FRMPD4: variants seen among roughly 807,000 people sequenced by gnomAD.
FRMPD4 encodes the protein FERM and PDZ domain containing 4.
FRMPD4 carries 22 observed loss-of-function variants against 94.1 expected under a neutral mutation model. That is an observed-to-expected ratio of 0.23 (90% confidence interval 0.17 to 0.33). The LOEUF is 0.33. FRMPD4 is among the 10% of genes least tolerant of loss of function. FRMPD4 has a pLI of 1.00. For missense variants in FRMPD4, 1,111 were observed against 1,339.9 expected, an observed-to-expected ratio of 0.83 and a Z score of 2.67; for synonymous variants, 631 against 548.6, an observed-to-expected ratio of 1.15 and a Z score of -2.10.
rs1343647733 is a variant in FRMPD4, at chrX:12,186,801, C to A, written c.41+47789C>A. ...GATGACTGTCTTTCTGTGGGTTCCC[C>A]TTTGTCTCCACTTGCACCATTGTAT... On this transcript the variant is annotated intron_variant, in intron 1 of 16. Coordinates refer to ENST00000675598, the MANE Select transcript of FRMPD4 (RefSeq NM_001368397.1). Among the ~76,000 whole-genome samples the A allele has an allele frequency of 3.6e-5, 4 of 112,249 alleles. No individual in the cohort carries two copies. In the Admixed American group the frequency reaches 3.8e-4, roughly 11 times the overall value.
At chrX:12,382,523 TAGCATAG>T (rs1399233636) in intron 1 of FRMPD4, among the ~76,000 whole-genome samples, 1,345 of 58,133 alleles carry the variant, frequency 0.023, 17 homozygotes, top group African/African-American at 0.038. Context: ...TAGCATAGCA[TAGCATAG>T]AGCATAGCAT....
Position 12,193,641 on chromosome X carries a change from A to G in FRMPD4, c.41+54629A>G, listed in dbSNP as rs191891663. On this transcript the variant is annotated intron_variant, in intron 1 of 16. Transcript: ENST00000675598. ...AAGCAAGCCTCAGATCAAAGTTTGT[A>G]TAAATAATTAGTGAGCTGACCGAAA... is the stretch of plus-strand genomic sequence containing the variant. Among the ~76,000 whole-genome samples the G allele has an allele frequency of 7.8e-3, 817 of 105,177 alleles. 44 individuals are homozygous for G. In the Admixed American group the frequency reaches 0.079, roughly 10 times the overall value. The allele number at this position is 105,177 out of a possible 115,157, so 91.3% of individuals were successfully genotyped here.
intron 1 of FRMPD4, among the ~76,000 whole-genome samples, chrX:12,165,301 T>A (rs1338499835): frequency 1.8e-5 from 2 of 112,659 alleles, no homozygotes; most frequent in Non-Finnish European, 3.8e-5. Flanking sequence ...ATTTATTAAA[T>A]AGGGAATCCT....
At chrX:12,369,439 C>T (rs930355654) in intron 1 of FRMPD4, among the ~76,000 whole-genome samples, 1 of 111,336 alleles carries the variant, frequency 9.0e-6, no homozygotes, top group Non-Finnish European at 1.9e-5. Context: ...GAGACTTGAG[C>T]TGGATACTGT....
chrX:11,867,958 C>A (rs1457916167), intron 2 of FRMPD4, among the ~76,000 whole-genome samples: 1 of 112,341 alleles, frequency 8.9e-6, no homozygotes, highest in African/African-American at 3.2e-5. Flanking sequence ...TCCCTACTCA[C>A]TGCATTTTAT....
intron 1 of FRMPD4, among the ~76,000 whole-genome samples, chrX:12,185,566 C>G (rs1327639815): frequency 9.0e-6 from 1 of 111,399 alleles, no homozygotes; most frequent in Non-Finnish European, 1.9e-5. Flanking sequence ...ACTCATTTTC[C>G]CCCACTCCTA....
At chrX:12,385,585 C>T (rs1171981936) in intron 1 of FRMPD4, among the ~76,000 whole-genome samples, 4 of 112,280 alleles carry the variant, frequency 3.6e-5, no homozygotes, top group Admixed American at 2.8e-4. Context: ...CGAGTGGAAA[C>T]GCCAATCAAC....
At chrX:12,314,327 T>A (rs1024498124) in intron 1 of FRMPD4, among the ~76,000 whole-genome samples, 1 of 111,825 alleles carries the variant, frequency 8.9e-6, no homozygotes, top group Admixed American at 9.5e-5. Context: ...TCAAGCCAGT[T>A]TGGAGTTATG....
chrX:12,428,811 T>C (rs770380055), intron 1 of FRMPD4, among the ~76,000 whole-genome samples: 69 of 112,040 alleles, frequency 6.2e-4, no homozygotes, highest in Middle Eastern at 4.6e-3. Context: ...ATTTGTTTTC[T>C]CTGTGTGTGT....
chrX:12,156,389 T>C (rs1360388714), intron 1 of FRMPD4, among the ~76,000 whole-genome samples: 1 of 111,639 alleles, frequency 9.0e-6, no homozygotes, highest in Non-Finnish European at 1.9e-5. Context: ...AAATGACTGT[T>C]GGTTAGGCAA....
At chrX:11,881,169 C>A (rs1480386878) in intron 3 of FRMPD4, among the ~76,000 whole-genome samples, 1 of 112,398 alleles carries the variant, frequency 8.9e-6, no homozygotes, top group Non-Finnish European at 1.9e-5. Flanking sequence ...GGATGTGGAA[C>A]AACTGGAACT....
chrX:11,922,632 C>T (rs1316259299), intron 3 of FRMPD4, among the ~76,000 whole-genome samples: 2 of 112,252 alleles, frequency 1.8e-5, no homozygotes, highest in African/African-American at 6.5e-5. Flanking sequence ...GCTCTCACCA[C>T]GGACCTCTGG....
intron 1 of FRMPD4, among the ~76,000 whole-genome samples, chrX:12,381,252 A>G (rs1040174391): frequency 1.8e-5 from 2 of 112,277 alleles, no homozygotes; most frequent in African/African-American, 6.5e-5. Flanking sequence ...GCAACAGGCC[A>G]TATGATTTCC....
intron 3 of FRMPD4, among the ~76,000 whole-genome samples, chrX:12,070,327 G>T (rs750857514): frequency 7.2e-5 from 8 of 111,233 alleles, no homozygotes; most frequent in African/African-American, 2.6e-4. Flanking sequence ...TGTGAGAGGT[G>T]TTTCAAGAAA....
chrX:12,109,080 A>T lies in FRMPD4; in HGVS notation c.95+231062A>T, dbSNP rs1243940440. 6.3e-5 allele frequency among the ~76,000 whole-genome samples: 7 copies of T among 111,735 alleles called. No homozygotes were observed. In the South Asian group the frequency reaches 1.1e-3, roughly 18 times the overall value. On this transcript the variant is annotated intron_variant, in intron 3 of 18. Coordinates refer to the FRMPD4 transcript ENST00000640291. ...GCTCTGCACCAAGCGGACCTAATAGACATCTACAGAACTCTCCACCCCAAA... is the reference window on the plus strand; with the variant it reads ...GCTCTGCACCAAGCGGACCTAATAGTCATCTACAGAACTCTCCACCCCAAA...
chrX:12,381,974 C>T lies in FRMPD4; in HGVS notation c.42-116706C>T, dbSNP rs1384702534. On this transcript the variant is annotated intron_variant, in intron 1 of 16. Transcript: ENST00000675598. Reference sequence around the variant, plus strand: ...GAGACTTTCAGAGGAGGAGGAAAGACCAAAGGACTGGGGAAGAGCAAGAAG... The same window carrying T: ...GAGACTTTCAGAGGAGGAGGAAAGATCAAAGGACTGGGGAAGAGCAAGAAG... Among the ~76,000 whole-genome samples the T allele has an allele frequency of 4.5e-5, 5 of 110,465 alleles. No individual in the cohort carries two copies. The East Asian group carries it at 1.4e-3, about 31-fold the overall frequency.
intron 2 of FRMPD4, among the ~76,000 whole-genome samples, chrX:12,541,771 G>C (rs185604488): frequency 0.012 from 1,354 of 111,693 alleles, 12 homozygotes; most frequent in Non-Finnish European, 0.021. Context: ...ACCAAAGCCT[G>C]GCAGAGACAC....
chrX:12,367,602 A>C (rs1465911223), intron 1 of FRMPD4, among the ~76,000 whole-genome samples: 5 of 111,159 alleles, frequency 4.5e-5, no homozygotes, highest in Non-Finnish European at 9.4e-5. Flanking sequence ...CTCGTTGGAG[A>C]GGAGTCGATG....
At chrX:12,469,727 C>G (rs1382082808) in intron 1 of FRMPD4, among the ~76,000 whole-genome samples, 2 of 112,228 alleles carry the variant, frequency 1.8e-5, no homozygotes, top group Non-Finnish European at 3.8e-5. Flanking sequence ...CAAAGGCAAC[C>G]TTAAACTAAG....
Sources: allele counts gnomAD v4.1 joint callset (sites outside exome capture counted in the v4.1 genomes callset), GRCh38; gene constraint gnomAD v4.1.1; transcripts MANE v1.5; gene names NCBI Gene and HGNC (gene_info 2026-07-23, HGNC 2026-07-21).